PRKCB: variants seen among roughly 807,000 people sequenced by gnomAD.
The protein encoded by PRKCB is protein kinase C beta, also known as protein kinase C beta type.
Under a neutral mutation model 81.5 loss-of-function variants are expected in PRKCB, and 13 were observed. The observed-to-expected ratio is 0.16, with a 90% CI of 0.10 to 0.25. The LOEUF is 0.25. Among genes scored for constraint, PRKCB ranks in the 10% least tolerant of loss-of-function variants. The probability of loss-of-function intolerance (pLI) is 1.00; values close to 1 mark genes in which losing one functional copy is unlikely to be tolerated. For synonymous variants in PRKCB, 335 were observed against 321.4 expected (o/e 1.04, Z -0.45); for missense variants, 509 against 875.7 (o/e 0.58, Z 5.29).
chr16:24,047,463 G>A (rs1473664632), intron 5 of PRKCB, among the ~76,000 whole-genome samples: 1 of 151,932 alleles, frequency 6.6e-6, no homozygotes, highest in Non-Finnish European at 1.5e-5. Context: ...CCCAGGAGTT[G>A]GTGGCTGCGG....
intron 9 of PRKCB, among the ~76,000 whole-genome samples, chr16:24,138,248 G>C (rs879403999): frequency 2.0e-5 from 3 of 152,130 alleles, no homozygotes; most frequent in Non-Finnish European, 4.4e-5. Context: ...GCTGAAACCC[G>C]TTCTCTATTA....
At chr16:23,972,388 T>C (rs2047973412) in intron 2 of PRKCB, among the ~76,000 whole-genome samples, 1 of 152,228 alleles carries the variant, frequency 6.6e-6, no homozygotes, top group African/African-American at 2.4e-5. Flanking sequence ...ATATGAAAAT[T>C]TGTATTTGCT....
intron 10 of PRKCB, among the ~76,000 whole-genome samples, chr16:24,160,191 T>C (rs777642712): frequency 0.17 from 1,607 of 9,320 alleles, 6 homozygotes; most frequent in Non-Finnish European, 0.26. Context: ...CCTTTGGGTG[T>C]TTTTTTTTTT....
At position 24,185,576 on chromosome 16, in the gene PRKCB, A is replaced by C. The variant is rs140933898; in HGVS notation, c.1722+9A>C. 1.1e-4 allele frequency: 184 copies of C among 1,606,330 alleles called. No individual in the cohort carries two copies. In the African/African-American group the frequency reaches 2.2e-3, roughly 19 times the overall value. ...TGGCCATCTGCAAAGGGGTAAGTGCATCTCTTAAAGCTGTGACCAGGACCA... is the reference window on the plus strand; with the variant it reads ...TGGCCATCTGCAAAGGGGTAAGTGCCTCTCTTAAAGCTGTGACCAGGACCA... On this transcript the variant is annotated intron_variant, in intron 15 of 16. Coordinates refer to ENST00000643927, the MANE Select transcript of PRKCB (RefSeq NM_002738.7).
chr16:24,120,967 C>G (rs1434313559), intron 8 of PRKCB, among the ~76,000 whole-genome samples: 2 of 152,198 alleles, frequency 1.3e-5, no homozygotes, highest in Non-Finnish European at 2.9e-5. Flanking sequence ...GGGGGGTCTC[C>G]TCTCCACTCA....
intron 5 of PRKCB, among the ~76,000 whole-genome samples, chr16:24,061,792 C>A (rs145168700): frequency 6.6e-6 from 1 of 151,678 alleles, no homozygotes; most frequent in East Asian, 1.9e-4. Context: ...GCACTCTATA[C>A]ACTGGGCAAT....
At chr16:24,147,181 G>A (rs1376688918) in intron 9 of PRKCB, among the ~76,000 whole-genome samples, 1 of 151,860 alleles carries the variant, frequency 6.6e-6, no homozygotes, top group Non-Finnish European at 1.5e-5. Flanking sequence ...CGTGGCGGGC[G>A]CCTGTAGTCC....
intron 7 of PRKCB, among the ~76,000 whole-genome samples, chr16:24,105,584 C>T (rs1180215096): frequency 6.6e-6 from 1 of 152,102 alleles, no homozygotes; most frequent in African/African-American, 2.4e-5. Context: ...TCCTTGTGTC[C>T]ATGTGTTCTC....
intron 2 of PRKCB, among the ~76,000 whole-genome samples, chr16:23,854,086 C>A (rs1268403326): frequency 6.6e-6 from 1 of 151,040 alleles, no homozygotes; most frequent in Non-Finnish European, 1.5e-5. Flanking sequence ...GAAAACCCAC[C>A]CCCATGATTC....
In PRKCB at chr16:24,127,154, G is replaced by A. The variant is rs868378371; in HGVS notation, c.1065+3173G>A. ...TTCGAGTGGCTGGCATTACAGGCACGCGCCACCACGCCCAGCTAATTTTCC... is the reference window on the plus strand; with the variant it reads ...TTCGAGTGGCTGGCATTACAGGCACACGCCACCACGCCCAGCTAATTTTCC... On this transcript the variant is annotated intron_variant, in intron 9 of 16. Transcript: ENST00000643927. 1.9e-4 allele frequency among the ~76,000 whole-genome samples: 29 copies of A among 151,670 alleles called. 1 individual carries two copies. The highest frequency in any genetic ancestry group is 2.6e-4 in the Non-Finnish European group (18 of 67,960).
intron 9 of PRKCB, among the ~76,000 whole-genome samples, chr16:24,139,131 C>T (rs1259782125): frequency 2.6e-5 from 4 of 152,062 alleles, no homozygotes; most frequent in Non-Finnish European, 4.4e-5. Flanking sequence ...GGATTACAGG[C>T]GTGAGCCACC....
intron 16 of PRKCB, among the ~76,000 whole-genome samples, chr16:24,207,364 A>C (rs1252150548): frequency 6.6e-6 from 1 of 152,146 alleles, no homozygotes; most frequent in African/African-American, 2.4e-5. Flanking sequence ...ACAATACCTG[A>C]TTGTTATGTA....
At position 24,080,960 on chromosome 16, in the gene PRKCB, T is replaced by G. The variant is rs531753048; in HGVS notation, c.530-11831T>G. On this transcript the variant is annotated intron_variant, in intron 5 of 16. Transcript: ENST00000643927. The stretch of plus-strand genomic sequence containing the variant: ...TTCAACCTATTTTATGAGGCTAGCA[T>G]TACCCTCATACCAAAACCAGACAAA... Among the ~76,000 whole-genome samples, 14 of 152,222 alleles carry G rather than the reference T, an allele frequency of 9.2e-5. No individual in the cohort carries two copies. In the East Asian group the frequency reaches 2.3e-3, roughly 25 times the overall value.
chr16:24,098,837 T>C (rs1253211268), intron 7 of PRKCB: 6 of 152,208 alleles, frequency 3.9e-5, no homozygotes, highest in Non-Finnish European at 8.8e-5. Context: ...GTAATATTAC[T>C]GTGAGGAAAG....
At chr16:23,853,605 G>A (rs1212091826) in intron 2 of PRKCB, among the ~76,000 whole-genome samples, 1 of 152,190 alleles carries the variant, frequency 6.6e-6, no homozygotes, top group African/African-American at 2.4e-5. Flanking sequence ...TTTCTTTGCG[G>A]TGATGTATCT....
chr16:24,220,133 T>C lies in PRKCB; in HGVS notation c.*5317T>C, dbSNP rs530749955. The C allele has an allele frequency of 5.0e-6, 8 of 1,613,838 alleles. No homozygotes were observed. Among genetic ancestry groups the C allele is most frequent in the East Asian group, 2.2e-5 (1 of 44,884 alleles). ...GTGTAGGTGAATGCAAACTCCATCGTTGAGCCTGGGGTGTAAGACTTCAAG... is the reference window on the plus strand; with the variant it reads ...GTGTAGGTGAATGCAAACTCCATCGCTGAGCCTGGGGTGTAAGACTTCAAG... On this transcript the variant is annotated 3_prime_UTR_variant, in exon 17 of 17. Transcript: ENST00000643927.
chr16:23,976,874 G>A lies in PRKCB; in HGVS notation c.206-11634G>A, dbSNP rs75669137. Reference sequence around the variant, plus strand: ...TGGCTCTCCCAGGGTTGTTACTGCAGAGGGAAGGGTAGGGGCAGCTTTCTT... The same window carrying A: ...TGGCTCTCCCAGGGTTGTTACTGCAAAGGGAAGGGTAGGGGCAGCTTTCTT... On this transcript the variant is annotated intron_variant, in intron 2 of 16. Coordinates refer to ENST00000643927, the MANE Select transcript of PRKCB (RefSeq NM_002738.7). Among the ~76,000 whole-genome samples, 998 of 152,334 alleles carry A rather than the reference G, an allele frequency of 6.6e-3. 7 individuals are homozygous for A. The highest frequency in any genetic ancestry group is 0.022 in the African/African-American group (932 of 41,566).
chr16:24,084,879 G>C (rs1966292610), intron 5 of PRKCB, among the ~76,000 whole-genome samples: 1 of 152,122 alleles, frequency 6.6e-6, no homozygotes, highest in Non-Finnish European at 1.5e-5. Context: ...ACTTTGCTGT[G>C]GTTGGAGATC....
chr16:24,154,942 G>T, intron 10 of PRKCB, 85 bp downstream of exon 10: 1 of 1,436,154 alleles, frequency 7.0e-7, no homozygotes, highest in Admixed American at 2.1e-5. Flanking sequence ...ACCCAGCACA[G>T]AGATACCTGC....
Sources: allele counts gnomAD v4.1 joint callset (sites outside exome capture counted in the v4.1 genomes callset), GRCh38; gene constraint gnomAD v4.1.1; transcripts MANE v1.5; gene names NCBI Gene and HGNC (gene_info 2026-07-23, HGNC 2026-07-21).